The following PRKCQ variants were observed in gnomAD, a reference collection of about 807,000 sequenced individuals.
PRKCQ encodes protein kinase C theta type.
PRKCQ carries 41 observed loss-of-function variants against 91.2 expected under a neutral mutation model. The ratio of observed to expected loss-of-function variants is 0.45; its 90% confidence interval spans 0.35 to 0.58. The LOEUF is 0.58. Ranked by LOEUF, PRKCQ falls within the 20% of genes least tolerant of loss-of-function variation. The pLI, the probability that PRKCQ is intolerant of heterozygous loss-of-function variation, is 0.00. For missense variants in PRKCQ, 673 were observed against 896.5 expected, an observed-to-expected ratio of 0.75 and a Z score of 3.18; for synonymous variants, 307 against 316.9, an observed-to-expected ratio of 0.97 and a Z score of 0.33.
the PRKCQ span, among the ~76,000 whole-genome samples, chr10:6,400,790 G>C: frequency 1.3e-5 from 2 of 150,880 alleles, no homozygotes; most frequent in Non-Finnish European, 2.9e-5. Context: ...GAGGTGGGAC[G>C]ATGCTTGAGC....
the PRKCQ span, among the ~76,000 whole-genome samples, chr10:6,411,517 C>T: frequency 5.0e-3 from 765 of 152,240 alleles, 12 homozygotes; most frequent in Non-Finnish European, 4.9e-3. Flanking sequence ...AATAGAAGGA[C>T]ATCAAAAACA....
intron 12 of PRKCQ, among the ~76,000 whole-genome samples, chr10:6,466,507 C>T (rs1835664458): frequency 1.3e-5 from 2 of 152,208 alleles, no homozygotes; most frequent in African/African-American, 2.4e-5. Context: ...ATTTAACCCT[C>T]CCAAGAGAAC....
intron 3 of PRKCQ, among the ~76,000 whole-genome samples, chr10:6,509,855 G>A (rs187924906): frequency 1.3e-5 from 2 of 152,146 alleles, no homozygotes; most frequent in Admixed American, 6.5e-5. Context: ...TTAGTGATAC[G>A]AGCAAAGATT....
chr10:6,577,913 C>T (rs1473350968), intron 1 of PRKCQ, among the ~76,000 whole-genome samples: 1 of 152,182 alleles, frequency 6.6e-6, no homozygotes, highest in East Asian at 1.9e-4. Context: ...GTACCACAAG[C>T]CCATACTCTT....
At chr10:6,441,820 C>T in intron 16 of PRKCQ, 73 bp downstream of exon 16, 1 of 1,446,602 alleles carries the variant, frequency 6.9e-7, no homozygotes, top group South Asian at 1.4e-5. Context: ...AAGTTGGAAA[C>T]TAAGAGGAAC....
At position 6,462,624 on chromosome 10, in the gene PRKCQ, T is replaced by C. The variant is rs368343790; in HGVS notation, c.1446-259A>G. Among the ~76,000 whole-genome samples, 16 of 152,334 alleles carry C rather than the reference T, an allele frequency of 1.1e-4. No homozygotes were observed. In the East Asian group the frequency reaches 2.5e-3, roughly 24 times the overall value. ...GTGAGTCCTGCCTGTATCTAGTACT[T>C]GTTCTTATATTTTAAACAATAATGC... On this transcript the variant is annotated intron_variant, in intron 13 of 17. Transcript: ENST00000263125.
At chr10:6,448,491 C>T (rs968886610) in intron 15 of PRKCQ, among the ~76,000 whole-genome samples, 1 of 152,026 alleles carries the variant, frequency 6.6e-6, no homozygotes, top group East Asian at 1.9e-4. Context: ...TCACTGCAAC[C>T]TCCGCCTCCC....
the PRKCQ span, among the ~76,000 whole-genome samples, chr10:6,416,597 T>C: frequency 6.6e-6 from 1 of 152,248 alleles, no homozygotes; most frequent in Non-Finnish European, 1.5e-5. Flanking sequence ...CCACATTTTC[T>C]TTATGCACTC....
intron 15 of PRKCQ, among the ~76,000 whole-genome samples, chr10:6,454,092 A>G (rs972458100): frequency 2.6e-4 from 40 of 152,146 alleles, no homozygotes; most frequent in Non-Finnish European, 2.4e-4. Flanking sequence ...AAATTAATGC[A>G]ATTTAGTTAT....
the PRKCQ span, among the ~76,000 whole-genome samples, chr10:6,404,416 TTTTTTCTCTTTCTTTC>T: frequency 6.7e-6 from 1 of 149,090 alleles, no homozygotes; most frequent in Non-Finnish European, 1.5e-5. Context: ...TCTTTCTTTC[TTTTTTCTCTTTCTTTC>T]TCTCTTTCTT....
intron 15 of PRKCQ, among the ~76,000 whole-genome samples, chr10:6,446,084 C>T (rs913640376): frequency 6.6e-6 from 1 of 152,126 alleles, no homozygotes; most frequent in Non-Finnish European, 1.5e-5. Context: ...AGAGTGTTCG[C>T]CTCAGGAATA....
chr10:6,413,758 G>A, the PRKCQ span, among the ~76,000 whole-genome samples: 1 of 127,822 alleles, frequency 7.8e-6, no homozygotes, highest in Non-Finnish European at 1.6e-5. Flanking sequence ...AGGAAGCACT[G>A]GATTAAATGC....
At chr10:6,561,945 C>A (rs549525795) in intron 1 of PRKCQ, among the ~76,000 whole-genome samples, 1 of 152,112 alleles carries the variant, frequency 6.6e-6, no homozygotes, top group Non-Finnish European at 1.5e-5. Context: ...AGTTGGAGAT[C>A]TGAGGTGAAT....
intron 1 of PRKCQ, among the ~76,000 whole-genome samples, chr10:6,540,280 A>G (rs1588400369): frequency 6.6e-6 from 1 of 152,208 alleles, no homozygotes; most frequent in South Asian, 2.1e-4. Context: ...TGTATAGTTC[A>G]GTGACATTCA....
chr10:6,511,884 G>T lies in PRKCQ; in HGVS notation c.119-690C>A, dbSNP rs372214420. 1.1e-4 allele frequency among the ~76,000 whole-genome samples: 17 copies of T among 152,294 alleles called. No individual in the cohort carries two copies. The East Asian group carries it at 1.7e-3, about 16-fold the overall frequency. ...TAATCAGCCAAAAACAACTGTCTAT[G>T]GGACTATTGGGTTGGTTTCAAAATG... On this transcript the variant is annotated intron_variant, in intron 2 of 17. Coordinates refer to ENST00000263125, the MANE Select transcript of PRKCQ (RefSeq NM_006257.5).
At chr10:6,517,300 T>C (rs557131936) in intron 1 of PRKCQ, among the ~76,000 whole-genome samples, 52 of 150,918 alleles carry the variant, frequency 3.4e-4, no homozygotes, top group African/African-American at 1.2e-3. Flanking sequence ...GTTACTATTC[T>C]GATCTATTTT....
At chr10:6,529,481 G>A (rs917514043) in intron 1 of PRKCQ, among the ~76,000 whole-genome samples, 4 of 152,114 alleles carry the variant, frequency 2.6e-5, no homozygotes, top group East Asian at 3.9e-4. Flanking sequence ...AAACAGGGGC[G>A]TCAAGTTGGG....
the PRKCQ span, among the ~76,000 whole-genome samples, chr10:6,395,061 T>G: frequency 1.4e-5 from 2 of 144,338 alleles, no homozygotes. Context: ...GGAGTCTTTT[T>G]TTTTTTTTTT....
At chr10:6,520,325 G>A (rs1302686113) in intron 1 of PRKCQ, among the ~76,000 whole-genome samples, 3 of 151,970 alleles carry the variant, frequency 2.0e-5, no homozygotes, top group South Asian at 2.1e-4. Flanking sequence ...TGTGCCTCAC[G>A]ACCCACTTGC....
Sources: gnomAD v4.1 joint callset for allele counts (sites outside exome capture counted in the v4.1 genomes callset) on GRCh38, gnomAD v4.1.1 for gene constraint, MANE v1.5 for transcripts, NCBI Gene and HGNC (gene_info 2026-07-23, HGNC 2026-07-21) for gene names.